Variants in EP400 observed in about 807,000 individuals in gnomAD.
The protein encoded by EP400 is E1A binding protein p400.
EP400 carries 105 observed loss-of-function variants against 354.1 expected under a neutral mutation model. That is an observed-to-expected ratio of 0.30 (90% CI 0.25 to 0.35). The LOEUF is 0.35. Among genes scored for constraint, EP400 ranks in the 10% least tolerant of loss-of-function variants. The pLI is 1.00. For missense variants in EP400, 3,280 were observed against 4,121.0 expected, an observed-to-expected ratio of 0.80 and a Z score of 5.59; for synonymous variants, 1,646 against 1,716.9, an observed-to-expected ratio of 0.96 and a Z score of 1.02.
Position 132,055,148 on chromosome 12 carries a change from T to G in EP400, c.7824T>G (p.Ala2608=). The G allele has an allele frequency of 6.2e-7, 1 of 1,606,718 alleles. No homozygotes were observed. The highest frequency in any genetic ancestry group is 8.5e-7 in the Non-Finnish European group (1 of 1,176,226). ...VIVNTIAGVP[A]ATFQSINKRL... Reference sequence around the variant, plus strand: ...TGAACACCATCGCAGGGGTCCCAGCTGCCACCTTCCAGTCCATCAACAAGC... The same window carrying G: ...TGAACACCATCGCAGGGGTCCCAGCGGCCACCTTCCAGTCCATCAACAAGC... Residue 2608 remains alanine (A), a synonymous_variant, in exon 45 of 53, where the codon GCT becomes GCG. Transcript: ENST00000389561.
rs1013047823 is a variant in EP400 at position 132,029,359 on chromosome 12, G to T, written c.5382-342G>T. On this transcript the variant is annotated intron_variant, in intron 27 of 52. Transcript: ENST00000389561. This position sits in a 1 kb window ranked among gnomAD's most constrained non-coding sequence, Gnocchi z 4.7. The stretch of plus-strand genomic sequence containing the variant: ...GCAGTTCTAGGGTCCACGAGACAGT[G>T]CACCTTTGTCCCAAAGTTTCCAGCT... 1.1e-5 allele frequency: 4 copies of T among 354,562 alleles called. No individual in the cohort carries two copies. The highest frequency in any genetic ancestry group is 2.1e-5 in the Non-Finnish European group (4 of 192,154). The allele number at this position is 354,562 out of a possible 1,614,324, so 22.0% of individuals were successfully genotyped here. A position where few individuals can be genotyped will look rare whatever the true frequency, so the allele number is the denominator to read the frequency against.
chr12:132,014,578 G>C (rs1394056917), intron 19 of EP400, among the ~76,000 whole-genome samples: 4 of 152,206 alleles, frequency 2.6e-5, no homozygotes, highest in African/African-American at 7.2e-5. Context: ...TGGAAATCAA[G>C]TTTTGGAGGA....
chr12:132,077,867 G>T lies in EP400; in HGVS notation c.*194G>T, dbSNP rs527846732. ...ACAAATGGTCCTTATGGAGTGCCGC[G>T]TTCTCTGTACTACGTGGCTCATGGA... On this transcript the variant is annotated 3_prime_UTR_variant, in exon 53 of 53. Coordinates refer to ENST00000389561, the MANE Select transcript of EP400 (RefSeq NM_015409.5). 2 of 748,978 alleles carry T rather than the reference G, an allele frequency of 2.7e-6. No homozygotes were observed. The highest frequency in any genetic ancestry group is 3.5e-5 in the African/African-American group (2 of 56,410). The allele number at this position is 748,978 out of a possible 1,614,324, so 46.4% of individuals were successfully genotyped here.
At chr12:132,069,324 C>T in intron 50 of EP400, 171 bp from the exon 51 acceptor site, 1 of 900,096 alleles carries the variant, frequency 1.1e-6, no homozygotes, top group Non-Finnish European at 1.6e-6. Context: ...GGCCTGGAGG[C>T]AGCGGCAGGG....
chr12:131,966,903 CAAAAA>C lies in EP400; in HGVS notation c.1335+4967_1335+4971del, dbSNP rs1179689543. Among the ~76,000 whole-genome samples, 10 of 57,836 alleles carry C rather than the reference CAAAAA, an allele frequency of 1.7e-4. 1 individual carries two copies. The highest frequency in any genetic ancestry group is 1.5e-3 in the Admixed American group (7 of 4,610). The allele number at this position is 57,836 out of a possible 152,430, so 37.9% of individuals were successfully genotyped here. On this transcript the variant is annotated intron_variant, in intron 2 of 52. Transcript: ENST00000389561. ...TGGGTGACAAGAGTGAGACTTGTCT[CAAAAA>C]AAAAAAAAAAAAAAAAACCTATGTG... is the stretch of plus-strand genomic sequence containing the variant.
At chr12:131,971,561 G>C (rs1278349548) in intron 2 of EP400, among the ~76,000 whole-genome samples, 2 of 152,126 alleles carry the variant, frequency 1.3e-5, no homozygotes, top group Non-Finnish European at 2.9e-5. Context: ...CCTTCATACT[G>C]ATTTCCATAA....
chr12:131,998,630 G>A (rs1284093738), intron 12 of EP400, among the ~76,000 whole-genome samples: 3 of 149,002 alleles, frequency 2.0e-5, no homozygotes, highest in Non-Finnish European at 4.5e-5. Context: ...AACTCTGTTT[G>A]TTAATTCTTT....
chr12:132,076,619 CCT>C (rs1896247046), intron 52 of EP400, 26 bp downstream of exon 52: 1 of 1,584,406 alleles, frequency 6.3e-7, no homozygotes, highest in South Asian at 1.1e-5. Context: ...AAAGTGGAAA[CCT>C]CACATTTCCC....
intron 39 of EP400, among the ~76,000 whole-genome samples, chr12:132,048,907 T>TA (rs1298741247): frequency 1.3e-5 from 2 of 152,192 alleles, no homozygotes; most frequent in African/African-American, 4.8e-5. Flanking sequence ...CACAGAAACA[T>TA]AGAGTAAGAT....
intron 1 of EP400, among the ~76,000 whole-genome samples, chr12:131,959,187 T>A (rs1329643338): frequency 6.6e-6 from 1 of 152,162 alleles, no homozygotes; most frequent in Non-Finnish European, 1.5e-5. Context: ...AATGAGATTT[T>A]TGCTCCTTTA....
chr12:131,986,394 G>T, intron 5 of EP400, 120 bp from the exon 6 acceptor site: 1 of 924,840 alleles, frequency 1.1e-6, no homozygotes. Flanking sequence ...TGCTTGCATC[G>T]TGGAGCGGAA....
At position 131,960,841 on chromosome 12, in the gene EP400, C is replaced by T. The variant is rs1366397713; in HGVS notation, c.222C>T (p.Ile74=). 1.2e-6 allele frequency: 2 copies of T among 1,613,820 alleles called. No individual in the cohort carries two copies. Among genetic ancestry groups the T allele is most frequent in the Non-Finnish European group, 1.7e-6 (2 of 1,180,020 alleles). Residue 74 remains isoleucine, a synonymous_variant, in exon 2 of 53, where the codon ATC becomes ATT. Coordinates refer to ENST00000389561, the MANE Select transcript of EP400 (RefSeq NM_015409.5). ...RSPATGQNVN[I]TLQSVGPVVG... Reference sequence around the variant, plus strand: ...CTGCAACCGGGCAGAACGTGAACATCACCCTGCAGAGCGTGGGCCCTGTCG... The same window carrying T: ...CTGCAACCGGGCAGAACGTGAACATTACCCTGCAGAGCGTGGGCCCTGTCG...
At chr12:132,076,258 A>ATT in intron 51 of EP400, 1 of 547,508 alleles carries the variant, frequency 1.8e-6, no homozygotes, top group Non-Finnish European at 3.4e-6. Flanking sequence ...AAAAGAAAAA[A>ATT]TGTGTCTGAA....
intron 24 of EP400, among the ~76,000 whole-genome samples, chr12:132,024,776 C>G (rs1023925916): frequency 1.5e-4 from 22 of 151,138 alleles, no homozygotes; most frequent in Non-Finnish European, 2.8e-4. Context: ...TCACCTTCCT[C>G]GACAGCAGCC....
At position 132,067,325 on chromosome 12, in the gene EP400, C is replaced by G. The variant is rs1186954088; in HGVS notation, c.8750-37C>G. 1 of 1,600,094 alleles carries G rather than the reference C, an allele frequency of 6.2e-7. No individual in the cohort carries two copies. The highest frequency in any genetic ancestry group is 1.1e-5 in the South Asian group (1 of 90,130). On this transcript the variant is annotated intron_variant, in intron 49 of 52. Transcript: ENST00000389561. The surrounding 1 kb of genome is among the most constrained non-coding windows in gnomAD (Gnocchi z 5.3). ...CTTGGCGTGAGCCTCAAGCTCTTTT[C>G]CCAGTGTGCTGACTAAGGGGCTTTT...
chr12:131,980,690 C>T (rs560382996), intron 3 of EP400, among the ~76,000 whole-genome samples: 11 of 152,220 alleles, frequency 7.2e-5, no homozygotes, highest in Non-Finnish European at 1.5e-4. Context: ...GGACTACAGG[C>T]GCGTGCCACC....
Position 132,053,566 on chromosome 12 carries a change from C to T in EP400, c.7697C>T (p.Ala2566Val). Residue 2566 changes from alanine to valine, a missense_variant, in exon 43 of 53, where the codon GCA becomes GTA. By Grantham distance (64) the Ala-to-Val change is moderately conservative. Around this residue, in one of 20 missense-constraint regions of EP400, gnomAD observed 255 missense variants for 295.9 expected, o/e 0.86. Transcript: ENST00000389561. The stretch of plus-strand genomic sequence containing the variant: ...CAGGCCCCAGCGAAGGCGCAGCCCG[C>T]AATCACGACGGGGGGCAGTGCAGCC... ...PVQAPAKAQP[A>V]ITTGGSAAVL... 2 of 1,565,216 alleles carry T rather than the reference C, an allele frequency of 1.3e-6. No homozygotes were observed. Among genetic ancestry groups the T allele is most frequent in the South Asian group, 1.2e-5 (1 of 86,756 alleles).
At position 132,038,245 on chromosome 12, in the gene EP400, C is replaced by T. The variant is rs557990301; in HGVS notation, c.6207+149C>T. ...CCCTGCTTTTGGAACCTCCCCACTCCCTTCTTTCTGTCATGGGGATTTTGA... is the reference window on the plus strand; with the variant it reads ...CCCTGCTTTTGGAACCTCCCCACTCTCTTCTTTCTGTCATGGGGATTTTGA... On this transcript the variant is annotated intron_variant, in intron 32 of 52. Transcript: ENST00000389561. This position sits in a 1 kb window ranked among gnomAD's most constrained non-coding sequence, Gnocchi z 4.2. 1 of 999,068 alleles carries T rather than the reference C, an allele frequency of 1.0e-6. No individual in the cohort carries two copies. Among genetic ancestry groups the T allele is most frequent in the Non-Finnish European group, 1.4e-6 (1 of 693,154 alleles). 61.9% of individuals were successfully genotyped at this position (999,068 alleles called of 1,614,324 possible).
At chr12:131,954,044 C>CA (rs1371662408) in intron 1 of EP400, among the ~76,000 whole-genome samples, 3 of 151,944 alleles carry the variant, frequency 2.0e-5, no homozygotes. Context: ...GCCCAGGAGA[C>CA]AGAGGTTGCA....
Sources: gnomAD v4.1 joint callset for allele counts (sites outside exome capture counted in the v4.1 genomes callset) on GRCh38, gnomAD v4.1.1 for gene constraint, gnomAD v4.1.1 regional missense constraint, Gnocchi (gnomAD v3.1) non-coding constraint, MANE v1.5 for transcripts, NCBI Gene and HGNC (gene_info 2026-07-23, HGNC 2026-07-21) for gene names.